CARD14: variants seen among roughly 807,000 people sequenced by gnomAD.
CARD14 encodes caspase recruitment domain family member 14, also known as caspase recruitment domain-containing protein 14.
A neutral mutation model predicts 111.5 loss-of-function variants in CARD14; 107 were observed. The observed-to-expected ratio is 0.96, with a 90% CI of 0.82 to 1.13. The LOEUF is 1.13. Among genes scored for constraint, CARD14 ranks in the 50% most tolerant of loss-of-function variants. The pLI, the probability that CARD14 is intolerant of heterozygous loss-of-function variation, is 0.00. For synonymous variants in CARD14, 617 were observed against 579.6 expected (o/e 1.06, Z -0.93); for missense variants, 1,322 against 1,362.3 (o/e 0.97, Z 0.47).
At position 80,208,272 on chromosome 17, in the gene CARD14, T is replaced by C. The variant is rs1481520202; in HGVS notation, c.2942T>C (p.Leu981Pro). ...GACGGCTGGAGCGACCTGGACGGCC[T>C]GCTCAGCTGTGTCCGCCAGGCCATC... is the stretch of plus-strand genomic sequence containing the variant. ...APDGWSDLDGLLSCVRQAIAD... is the reference protein window; with the variant it reads ...APDGWSDLDGPLSCVRQAIAD... The change falls in exon 24 of 24, where the codon CTG becomes CCG. Residue 981 changes from leucine to proline, a missense_variant. By Grantham distance (98) the Leu-to-Pro change is moderately conservative. Transcript: ENST00000648509. 1 of 1,596,540 alleles carries C rather than the reference T, an allele frequency of 6.3e-7. No homozygotes were observed. The highest frequency in any genetic ancestry group is 8.5e-7 in the Non-Finnish European group (1 of 1,173,282).
In CARD14 at chr17:80,195,121, G is replaced by A; in HGVS notation, c.1357-70G>A. On this transcript the variant is annotated intron_variant, in intron 12 of 23. Coordinates refer to ENST00000648509, the MANE Select transcript of CARD14 (RefSeq NM_001366385.1). The surrounding 1 kb of genome is among the most constrained non-coding windows in gnomAD (Gnocchi z 4.7). ...CTCACTGTGGCTCTCTCTACACCGT[G>A]GGGGAGCAAGGGAGGAGTCTCAGGG... 1.3e-6 allele frequency: 2 copies of A among 1,524,776 alleles called. No individual in the cohort carries two copies. Among genetic ancestry groups the A allele is most frequent in the Non-Finnish European group, 1.8e-6 (2 of 1,130,624 alleles). 94.5% of individuals were successfully genotyped at this position (1,524,776 alleles called of 1,614,324 possible).
chr17:80,205,262 CCCTTCCTCCCT>C (rs2041230904), intron 21 of CARD14, 57 bp downstream of exon 21: 7 of 1,443,922 alleles, frequency 4.8e-6, no homozygotes, highest in South Asian at 1.3e-5. Flanking sequence ...CTCCCTCCTC[CCCTTCCTCCCT>C]CCTTCCTCCC....
In CARD14 at chr17:80,198,622, G is replaced by A. The variant is rs756197625; in HGVS notation, c.1851+31G>A. Reference sequence around the variant, plus strand: ...CCGTGCGAGGCCCCTCCTGTCCCCCGGGCTCCTCATGGGGACAGTGGCAGC... The same window carrying A: ...CCGTGCGAGGCCCCTCCTGTCCCCCAGGCTCCTCATGGGGACAGTGGCAGC... On this transcript the variant is annotated intron_variant, in intron 16 of 23. Transcript: ENST00000648509. This position sits in a 1 kb window ranked among gnomAD's most constrained non-coding sequence, Gnocchi z 7.5. 42 of 1,610,234 alleles carry A rather than the reference G, an allele frequency of 2.6e-5. No individual in the cohort carries two copies. The highest frequency in any genetic ancestry group is 3.3e-4 in the Middle Eastern group (2 of 6,078).
rs1461779522 is a variant in CARD14 at position 80,184,257 on chromosome 17, C to G, written c.675+19C>G. The G allele has an allele frequency of 2.0e-6, 3 of 1,490,338 alleles. No homozygotes were observed. The highest frequency in any genetic ancestry group is 2.7e-6 in the Non-Finnish European group (3 of 1,114,380). 92.3% of individuals were successfully genotyped at this position (1,490,338 alleles called of 1,614,324 possible). On this transcript the variant is annotated intron_variant, in intron 7 of 23. Transcript: ENST00000648509. ...GGAGGAGGTAGGGGGACACCCTGCA[C>G]CCCGGCGCGACCCTGCTGTCGTCTG...
chr17:80,171,721 T>A (rs1351074471), intron 1 of CARD14, among the ~76,000 whole-genome samples: 2 of 152,142 alleles, frequency 1.3e-5, no homozygotes, highest in Admixed American at 1.3e-4. Context: ...CTGGGGCAGT[T>A]GGCTGGGGTC....
In CARD14 at chr17:80,201,305, G is replaced by T. The variant is rs2040960392; in HGVS notation, c.1852-439G>T. 5 of 169,778 alleles carry T rather than the reference G, an allele frequency of 2.9e-5. No individual in the cohort carries two copies. In the South Asian group the frequency reaches 6.3e-4, roughly 21 times the overall value. The allele number at this position is 169,778 out of a possible 1,614,324, so 10.5% of individuals were successfully genotyped here. Reference sequence around the variant, plus strand: ...GGGAAGGCTGTGGGTGGAGAGCCAGGGCATCGGGTAGGTGAAGGCCAGGGA... The same window carrying T: ...GGGAAGGCTGTGGGTGGAGAGCCAGTGCATCGGGTAGGTGAAGGCCAGGGA... On this transcript the variant is annotated intron_variant, in intron 16 of 23. Coordinates refer to ENST00000648509, the MANE Select transcript of CARD14 (RefSeq NM_001366385.1). The surrounding 1 kb of genome is among the most constrained non-coding windows in gnomAD (Gnocchi z 5.0).
Position 80,205,199 on chromosome 17 carries a change from C to A in CARD14, c.2563C>A (p.Leu855Met), listed in dbSNP as rs779083512. 1 of 1,611,904 alleles carries A rather than the reference C, an allele frequency of 6.2e-7. No homozygotes were observed. The highest frequency in any genetic ancestry group is 8.5e-7 in the Non-Finnish European group (1 of 1,178,832). ...CCTCCTCCAAGGGTTTAAGAAGTGC[C>A]TGGCAGGTATGCTGTTGCCTGGGAA... ...LCLLQGFKKC[L>M]AEYLSQEEYE... The change falls in exon 21 of 24, where the codon CTG (leucine) becomes ATG (methionine). Residue 855 changes from leucine to methionine, a missense_variant. Leu to Met is a conservative substitution (Grantham distance 15). Coordinates refer to ENST00000648509, the MANE Select transcript of CARD14 (RefSeq NM_001366385.1).
intron 1 of CARD14, among the ~76,000 whole-genome samples, chr17:80,172,404 A>G (rs2039921511): frequency 1.3e-5 from 2 of 152,156 alleles, no homozygotes; most frequent in African/African-American, 4.8e-5. Context: ...AGGGGAAGAA[A>G]CAGTTGTCTT....
In CARD14 at chr17:80,189,667, G is replaced by GTT. The variant is rs1329475697; in HGVS notation, c.844-85_844-84dup. 1 of 1,408,482 alleles carries GTT rather than the reference G, an allele frequency of 7.1e-7. No individual in the cohort carries two copies. The highest frequency in any genetic ancestry group is 1.5e-5 in the African/African-American group (1 of 66,282). The allele number at this position is 1,408,482 out of a possible 1,614,324, so 87.2% of individuals were successfully genotyped here. On this transcript the variant is annotated intron_variant, in intron 8 of 23. Transcript: ENST00000648509. This position sits in a 1 kb window ranked among gnomAD's most constrained non-coding sequence, Gnocchi z 4.7. ...ATCCGTCCACACACCTGACCGTGCA[G>GTT]TTGCCGCCATCTTCTCGGGATTCTG...
chr17:80,192,400 C>T lies in CARD14; in HGVS notation c.1240-103C>T, dbSNP rs922596249. On this transcript the variant is annotated intron_variant, in intron 11 of 23. Transcript: ENST00000648509. ...CCTGGAAGCTGACGAGAGGAAACTG[C>T]TGGGGAGGGTGAAATGGGTGGTGCT... The T allele has an allele frequency of 3.4e-5, 26 of 761,404 alleles. No homozygotes were observed. The Admixed American group carries it at 4.8e-4, about 14-fold the overall frequency. The allele number at this position is 761,404 out of a possible 1,614,324, so 47.2% of individuals were successfully genotyped here.
intron 21 of CARD14, 73 bp downstream of exon 21, chr17:80,205,278 C>T: frequency 1.7e-6 from 2 of 1,199,662 alleles, no homozygotes; most frequent in South Asian, 2.8e-5. Flanking sequence ...CTCCCTCCTT[C>T]CTCCCCTTCC....
chr17:80,173,388 G>A (rs946211771), intron 2 of CARD14, among the ~76,000 whole-genome samples, 160 bp downstream of exon 2: 1 of 151,712 alleles, frequency 6.6e-6, no homozygotes, highest in Non-Finnish European at 1.5e-5. Context: ...ATGGATGGAT[G>A]GGCACATAGA....
At chr17:80,187,697 G>C (rs892522096) in intron 7 of CARD14, 16 of 964,188 alleles carry the variant, frequency 1.7e-5, no homozygotes, top group Non-Finnish European at 1.9e-5. Flanking sequence ...CAGACTTCCC[G>C]GGCTTGCCTC....
rs4889998 is a variant in CARD14 at position 80,206,819 on chromosome 17, A to C, written c.2692-151A>C. The C allele has an allele frequency of 0.54, 241,733 of 447,944 alleles. 67,540 individuals carry two copies. Among genetic ancestry groups the C allele is most frequent in the East Asian group, 0.66 (18,760 of 28,498 alleles). The allele number at this position is 447,944 out of a possible 1,614,324, so 27.7% of individuals were successfully genotyped here. A position where few individuals can be genotyped will look rare whatever the true frequency, so the allele number is the denominator to read the frequency against. ...AAGAGAGAAGAAAGTGGCAAGCTCT[A>C]TTCCCTCATCTCCTCTACAAAATTC... On this transcript the variant is annotated intron_variant, in intron 22 of 23. Transcript: ENST00000648509.
intron 4 of CARD14, among the ~76,000 whole-genome samples, chr17:80,180,318 C>T (rs959325545): frequency 6.6e-6 from 1 of 152,184 alleles, no homozygotes; most frequent in African/African-American, 2.4e-5. Flanking sequence ...TGGTGGTGGC[C>T]CCAGATCAGC....
intron 1 of CARD14, among the ~76,000 whole-genome samples, chr17:80,171,109 G>T (rs1013203724): frequency 6.7e-6 from 1 of 150,202 alleles, no homozygotes; most frequent in Non-Finnish European, 1.5e-5. Flanking sequence ...CCAAAGTGCT[G>T]GGATTACGGG....
At chr17:80,204,629 A>C in intron 20 of CARD14, 1 of 205,542 alleles carries the variant, frequency 4.9e-6, no homozygotes, top group Non-Finnish European at 9.2e-6. Flanking sequence ...TGTCTCAGGA[A>C]AAAAAAAAAA....
chr17:80,179,967 T>G (rs570833114), intron 4 of CARD14, among the ~76,000 whole-genome samples: 1 of 152,374 alleles, frequency 6.6e-6, no homozygotes, highest in South Asian at 2.1e-4. Context: ...TCAAGATGGT[T>G]GAATCCGCAT....
intron 12 of CARD14, among the ~76,000 whole-genome samples, chr17:80,194,704 C>T (rs943554585): frequency 6.6e-6 from 1 of 152,142 alleles, no homozygotes; most frequent in Non-Finnish European, 1.5e-5. Context: ...AATGAGTGCT[C>T]AGCAAAGGGG....
Sources: gnomAD v4.1 joint callset for allele counts (sites outside exome capture counted in the v4.1 genomes callset) on GRCh38, gnomAD v4.1.1 for gene constraint, Gnocchi (gnomAD v3.1) non-coding constraint, MANE v1.5 for transcripts, NCBI Gene and HGNC (gene_info 2026-07-23, HGNC 2026-07-21) for gene names.